SLC12A7: variants seen among roughly 807,000 people sequenced by gnomAD.
SLC12A7 encodes the protein solute carrier family 12 member 7.
In SLC12A7, 100 loss-of-function variants were observed where a neutral mutation model predicts 120.6. The ratio of observed to expected loss-of-function variants is 0.83; its 90% confidence interval spans 0.71 to 0.98. SLC12A7 has a LOEUF of 0.98. Among genes scored for constraint, SLC12A7 ranks in the 50% least tolerant of loss-of-function variants. The pLI, the probability that SLC12A7 is intolerant of heterozygous loss-of-function variation, is 0.00. For missense variants in SLC12A7, 1,373 were observed against 1,548.1 expected (o/e 0.89, Z 1.90); for synonymous variants, 760 against 678.0 (o/e 1.12, Z -1.88).
the SLC12A7 span, among the ~76,000 whole-genome samples, chr5:1,136,423 C>G: frequency 2.2e-5 from 3 of 133,594 alleles, no homozygotes; most frequent in Non-Finnish European, 4.7e-5. Flanking sequence ...CACGCAGGCA[C>G]ACGTGTGCTC....
At chr5:1,132,595 G>C in the SLC12A7 span, among the ~76,000 whole-genome samples, 1 of 151,936 alleles carries the variant, frequency 6.6e-6, no homozygotes, top group African/African-American at 2.4e-5. Context: ...TCCCTTCCAG[G>C]GGGCCCTGAC....
intron 10 of SLC12A7, 57 bp from the exon 11 acceptor site, chr5:1,078,815 G>A: frequency 3.3e-6 from 2 of 612,112 alleles, no homozygotes; most frequent in Middle Eastern, 4.4e-4. Context: ...CAGGTACGGG[G>A]GGTGGGGTGG....
chr5:1,102,144 G>A (rs1561107383), intron 1 of SLC12A7, among the ~76,000 whole-genome samples: 1 of 152,226 alleles, frequency 6.6e-6, no homozygotes, highest in Non-Finnish European at 1.5e-5. Flanking sequence ...CGAGAGGGAA[G>A]GAGGCGGCTG....
At chr5:1,109,076 C>T (rs192242191) in intron 1 of SLC12A7, among the ~76,000 whole-genome samples, 42 of 152,346 alleles carry the variant, frequency 2.8e-4, no homozygotes, top group African/African-American at 9.9e-4. Flanking sequence ...GACCCACCCT[C>T]TCCCAGCCCA....
intron 2 of SLC12A7, 128 bp downstream of exon 2, chr5:1,094,026 C>CCCCA (rs1740835299): frequency 1.4e-6 from 1 of 700,484 alleles, no homozygotes; most frequent in Non-Finnish European, 2.4e-6. Context: ...GACAGGGAGG[C>CCCCA]CCCAGTTCCT....
chr5:1,138,732 A>G, the SLC12A7 span, among the ~76,000 whole-genome samples: 1 of 152,212 alleles, frequency 6.6e-6, no homozygotes, highest in Non-Finnish European at 1.5e-5. Flanking sequence ...GTTTACTACA[A>G]ACCTTGAAAC....
At chr5:1,125,268 A>AGTGTGTGTGTGT in the SLC12A7 span, among the ~76,000 whole-genome samples, 883 of 150,470 alleles carry the variant, frequency 5.9e-3, 4 homozygotes, top group African/African-American at 0.014. Context: ...TTTAAACGAA[A>AGTGTGTGTGTGT]GTGTGTGTGT....
chr5:1,075,540 A>G (rs946177329), intron 14 of SLC12A7, 50 bp from the exon 15 acceptor site: 5 of 1,578,226 alleles, frequency 3.2e-6, no homozygotes, highest in Non-Finnish European at 4.3e-6. Context: ...TGCAGCCCCC[A>G]CACCTCAGCC....
Position 1,073,678 on chromosome 5 carries a change from CT to C in SLC12A7, c.2195del (p.Glu732GlyfsTer21). The C allele has an allele frequency of 1.2e-6, 2 of 1,601,182 alleles. No individual in the cohort carries two copies. On this transcript the variant is annotated frameshift_variant, in exon 17 of 24. Transcript: ENST00000264930. LOFTEE classifies it high-confidence loss of function. ...CCATGTGCTTGTCCAGGTACGTCCCCTCCAGCACCGAGCCCACGATGGTCAG... is the reference window on the plus strand; with the variant it reads ...CCATGTGCTTGTCCAGGTACGTCCCCCCAGCACCGAGCCCACGATGGTCAG... ...KGLTIVGSVL[E>X]GTYLDKHMEA...
chr5:1,092,866 C>T (rs753286833), intron 3 of SLC12A7, among the ~76,000 whole-genome samples: 115 of 152,324 alleles, frequency 7.5e-4, no homozygotes, highest in Non-Finnish European at 1.5e-3. Context: ...TCCCCCAACA[C>T]GGGTCCAGGG....
At chr5:1,112,834 C>T (rs924215983), upstream of SLC12A7, among the ~76,000 whole-genome samples, 1 of 148,246 alleles carries the variant, frequency 6.7e-6, no homozygotes, top group Non-Finnish European at 1.5e-5. Flanking sequence ...GGAGCTTGGT[C>T]CAGCTCCAGT....
the SLC12A7 span, among the ~76,000 whole-genome samples, chr5:1,149,750 CG>C: frequency 6.6e-6 from 1 of 152,004 alleles, no homozygotes; most frequent in African/African-American, 2.4e-5. Flanking sequence ...CTATTCAAGC[CG>C]GGTGCGGTGG....
intron 6 of SLC12A7, 138 bp downstream of exon 6, chr5:1,086,755 CAGAGCCCAGG>C (rs996820616): frequency 1.4e-4 from 151 of 1,109,342 alleles, no homozygotes; most frequent in Non-Finnish European, 1.8e-4. Flanking sequence ...CCGCCATGGC[CAGAGCCCAGG>C]AGAGCCCAGG....
At chr5:1,150,537 G>C in the SLC12A7 span, among the ~76,000 whole-genome samples, 1 of 152,232 alleles carries the variant, frequency 6.6e-6, no homozygotes, top group Non-Finnish European at 1.5e-5. Flanking sequence ...TGTATACATG[G>C]AGCTGGTGTC....
At chr5:1,066,353 A>G (rs923193596) in intron 17 of SLC12A7, among the ~76,000 whole-genome samples, 1 of 152,164 alleles carries the variant, frequency 6.6e-6, no homozygotes, top group Non-Finnish European at 1.5e-5. Context: ...TTGGATGCTT[A>G]GAGGATGAGA....
chr5:1,069,622 C>T (rs532053432), intron 17 of SLC12A7, among the ~76,000 whole-genome samples: 11 of 152,200 alleles, frequency 7.2e-5, no homozygotes, highest in Non-Finnish European at 1.5e-4. Flanking sequence ...CCACGGCAGC[C>T]AGCCCTGCCT....
At chr5:1,117,400 C>T in the SLC12A7 span, among the ~76,000 whole-genome samples, 1 of 152,218 alleles carries the variant, frequency 6.6e-6, no homozygotes, top group Non-Finnish European at 1.5e-5. The surrounding 1 kb of genome is among the most constrained non-coding windows in gnomAD (Gnocchi z 4.5). Flanking sequence ...GCTGAACTAA[C>T]TTTGGGAGGA....
rs572522830 is a variant in SLC12A7 at position 1,069,217 on chromosome 5, C to T, written c.2242-3739G>A. Reference sequence around the variant, plus strand: ...AGAAGGTGGCCATCCACGTGGCCAACGTGGCGGGAGCGGCGGGGGCCATTT... The same window carrying T: ...AGAAGGTGGCCATCCACGTGGCCAATGTGGCGGGAGCGGCGGGGGCCATTT... On this transcript the variant is annotated intron_variant, in intron 17 of 23. Coordinates refer to ENST00000264930, the MANE Select transcript of SLC12A7 (RefSeq NM_006598.3). 2.1e-3 allele frequency among the ~76,000 whole-genome samples: 314 copies of T among 152,370 alleles called. 3 individuals are homozygous for T. The highest frequency in any genetic ancestry group is 4.3e-3 in the African/African-American group (178 of 41,592).
the SLC12A7 span, among the ~76,000 whole-genome samples, chr5:1,137,813 C>G: frequency 6.6e-6 from 1 of 152,244 alleles, no homozygotes; most frequent in Non-Finnish European, 1.5e-5. Context: ...ACAGCACAAG[C>G]GCCTGGATCT....
Sources: gnomAD v4.1 joint callset for allele counts (sites outside exome capture counted in the v4.1 genomes callset) on GRCh38, gnomAD v4.1.1 for gene constraint, Gnocchi (gnomAD v3.1) non-coding constraint, MANE v1.5 for transcripts, NCBI Gene and HGNC (gene_info 2026-07-23, HGNC 2026-07-21) for gene names.